LYPD8: variants seen among roughly 807,000 people sequenced by gnomAD.
LYPD8 encodes LY6/PLAUR domain containing 8.
Under a neutral mutation model 1.7 loss-of-function variants are expected in LYPD8, and 8 were observed. That is an observed-to-expected ratio of 4.58 (90% confidence interval 2.69 to 8.27). LYPD8 has a LOEUF of 8.27. LYPD8 is among the 30% of genes most tolerant of loss of function. The pLI is 0.00. For synonymous variants in LYPD8, 50 were observed against 43.6 expected (o/e 1.15, Z -0.58); for missense variants, 112 against 102.3 (o/e 1.09, Z -0.41).
intron 2 of LYPD8, among the ~76,000 whole-genome samples, chr1:248,752,837 C>CA: frequency 8.8e-6 from 1 of 113,822 alleles, no homozygotes; most frequent in Non-Finnish European, 1.7e-5. Flanking sequence ...ACACACCACA[C>CA]CCCACACACA....
intron 2 of LYPD8, among the ~76,000 whole-genome samples, chr1:248,753,373 A>G (rs1261346467): frequency 8.9e-6 from 1 of 111,876 alleles, no homozygotes; most frequent in South Asian, 3.1e-4. Flanking sequence ...TCACATACAC[A>G]CCACACACCA....
chr1:248,752,867 A>C (rs1662836938), intron 2 of LYPD8, among the ~76,000 whole-genome samples: 6 of 112,676 alleles, frequency 5.3e-5, no homozygotes, highest in East Asian at 3.0e-4. Flanking sequence ...CCACACACAC[A>C]CCACACACCC....
chr1:248,755,314 CT>C lies in LYPD8; in HGVS notation c.-126del. On this transcript the variant is annotated 5_prime_UTR_variant, in exon 2 of 7. An upstream open reading frame in the 5' UTR loses its in-frame stop. Transcript: ENST00000590317. ...CACTGGCAAAGTTTTATTGCGGAAT[CT>C]TTTCGACAGCCTGGCAGGGTCCTGC... 6.6e-6 allele frequency: 1 copy of C among 152,218 alleles called. No individual in the cohort carries two copies. Among genetic ancestry groups the C allele is most frequent in the East Asian group, 1.9e-4 (1 of 5,192 alleles). 9.4% of individuals were successfully genotyped at this position (152,218 alleles called of 1,614,324 possible). A position where few individuals can be genotyped will look rare whatever the true frequency, so the allele number is the denominator to read the frequency against.
At chr1:248,748,851 T>C (rs1373049650) in intron 4 of LYPD8, among the ~76,000 whole-genome samples, 3 of 152,234 alleles carry the variant, frequency 2.0e-5, no homozygotes, top group Admixed American at 1.3e-4. Flanking sequence ...CAGTCAAGCT[T>C]CTAGCCAGAG....
chr1:248,749,313 A>G (rs1382375650), intron 4 of LYPD8, among the ~76,000 whole-genome samples: 5 of 152,352 alleles, frequency 3.3e-5, no homozygotes, highest in Admixed American at 2.0e-4. Context: ...CATCTTTGAA[A>G]CAATTAAGAA....
At chr1:248,741,119 GCAA>G (rs150945127) in intron 6 of LYPD8, among the ~76,000 whole-genome samples, 11,260 of 152,174 alleles carry the variant, frequency 0.074, 1,377 homozygotes, top group African/African-American at 0.26. Flanking sequence ...GTCTTGAACA[GCAA>G]CAACAACAAA....
chr1:248,753,757 ACACAC>A (rs1479489547), intron 2 of LYPD8, among the ~76,000 whole-genome samples: 4 of 148,248 alleles, frequency 2.7e-5, no homozygotes, highest in African/African-American at 1.0e-4. Flanking sequence ...CACAACACAT[ACACAC>A]CACATCACAC....
In LYPD8 at chr1:248,745,162, A is replaced by G. The variant is rs1662708671; in HGVS notation, c.455T>C (p.Leu152Pro). 5.0e-6 allele frequency: 2 copies of G among 398,470 alleles called. No individual in the cohort carries two copies. The highest frequency in any genetic ancestry group is 8.8e-6 in the Non-Finnish European group (2 of 226,072). The allele number at this position is 398,470 out of a possible 1,614,324, so 24.7% of individuals were successfully genotyped here. The part of the protein sequence containing the change: ...KCYEEEQCVF[L>P]VAELKNDIES... The stretch of plus-strand genomic sequence containing the variant: ...CTTACCATTCTTAAGTTCTGCAACT[A>G]GAAAGACACACTGTTCTTCTTCATA... The change falls in exon 6 of 7, where the codon CTA (leucine) becomes CCA (proline). Residue 152 changes from leucine to proline, a missense_variant. Transcript: ENST00000590317.
At position 248,739,850 on chromosome 1, in the gene LYPD8, C is replaced by T. The variant is rs1558204858; in HGVS notation, c.476-1G>A. The T allele has an allele frequency of 6.4e-7, 1 of 1,551,740 alleles. No homozygotes were observed. The highest frequency in any genetic ancestry group is 8.7e-7 in the Non-Finnish European group (1 of 1,147,004). On this transcript the variant is annotated splice_acceptor_variant, in intron 6 of 6. Transcript: ENST00000590317. LOFTEE classifies it high-confidence loss of function. The surrounding 1 kb of genome is among the most constrained non-coding windows in gnomAD (Gnocchi z 4.3). ...AGCACGAGACTCTTAGACTCAATGTCTGTGAATGCAAAGGAGACAGGAGGG... is the reference window on the plus strand; with the variant it reads ...AGCACGAGACTCTTAGACTCAATGTTTGTGAATGCAAAGGAGACAGGAGGG...
chr1:248,753,563 CACA>C (rs1200991244), intron 2 of LYPD8, among the ~76,000 whole-genome samples: 1 of 124,380 alleles, frequency 8.0e-6, no homozygotes, highest in Non-Finnish European at 1.7e-5. Flanking sequence ...ACATCACACA[CACA>C]ACACACACCC....
At chr1:248,748,674 A>G (rs1662751232) in intron 4 of LYPD8, among the ~76,000 whole-genome samples, 1 of 152,236 alleles carries the variant, frequency 6.6e-6, no homozygotes, top group Non-Finnish European at 1.5e-5. Flanking sequence ...GTGCAGGTTA[A>G]ACTCCAGGCA....
In LYPD8 at chr1:248,745,216, G is replaced by A. The variant is rs2103169205; in HGVS notation, c.401C>T (p.Thr134Ile). ...TTTCCAGGGCTTCCCATGACAGGAA[G>A]TTCCATTAGATTCATAACAAGCAGG... ...ECPACYESNG[T>I]SCHGKPWKCY... Residue 134 changes from threonine to isoleucine, a missense_variant, in exon 6 of 7, where the codon ACT becomes ATT. Thr to Ile is a moderately conservative substitution (Grantham distance 89). Coordinates refer to ENST00000590317, the MANE Select transcript of LYPD8 (RefSeq NM_001085474.2). 6 of 398,588 alleles carry A rather than the reference G, an allele frequency of 1.5e-5. No individual in the cohort carries two copies. The East Asian group carries it at 2.1e-4, about 14-fold the overall frequency. 24.7% of individuals were successfully genotyped at this position (398,588 alleles called of 1,614,324 possible). A position where few individuals can be genotyped will look rare whatever the true frequency, so the allele number is the denominator to read the frequency against.
At chr1:248,743,285 C>T (rs1046694606) in intron 6 of LYPD8, among the ~76,000 whole-genome samples, 16 of 152,094 alleles carry the variant, frequency 1.1e-4, no homozygotes, top group African/African-American at 3.9e-4. Flanking sequence ...GCCAACATGG[C>T]GAAACCCCAT....
chr1:248,752,372 G>A (rs1253276888), intron 2 of LYPD8, among the ~76,000 whole-genome samples: 1 of 151,906 alleles, frequency 6.6e-6, no homozygotes, highest in Admixed American at 6.6e-5. Flanking sequence ...CAAAGCCAGT[G>A]CTCTATTCCA....
intron 6 of LYPD8, among the ~76,000 whole-genome samples, chr1:248,742,114 A>C (rs1662611100): frequency 6.6e-6 from 1 of 152,258 alleles, no homozygotes. Context: ...ACTTTGGGTG[A>C]GGCTGTATCA....
intron 2 of LYPD8, among the ~76,000 whole-genome samples, chr1:248,752,933 C>G (rs1322868108): frequency 7.6e-6 from 1 of 131,588 alleles, no homozygotes; most frequent in African/African-American, 3.0e-5. Flanking sequence ...CCACATCACA[C>G]ACACACCACA....
intron 6 of LYPD8, among the ~76,000 whole-genome samples, chr1:248,744,750 C>T (rs1055351221): frequency 6.6e-6 from 1 of 152,238 alleles, no homozygotes; most frequent in African/African-American, 2.4e-5. Flanking sequence ...CAAAAGCCAA[C>T]ACCTCTTAGT....
intron 2 of LYPD8, among the ~76,000 whole-genome samples, chr1:248,754,409 A>G (rs1662891360): frequency 6.6e-6 from 1 of 150,402 alleles, no homozygotes; most frequent in African/African-American, 2.5e-5. Flanking sequence ...ACACACATCA[A>G]ACACACACAC....
chr1:248,752,658 A>C (rs1175857241), intron 2 of LYPD8, among the ~76,000 whole-genome samples: 7,094 of 73,508 alleles, frequency 0.097, 536 homozygotes, highest in East Asian at 0.3. Flanking sequence ...CACAACACAC[A>C]CCACACACAC....
Sources: gnomAD v4.1 joint callset for allele counts (sites outside exome capture counted in the v4.1 genomes callset) on GRCh38, gnomAD v4.1.1 for gene constraint, Gnocchi (gnomAD v3.1) non-coding constraint, MANE v1.5 for transcripts, NCBI Gene and HGNC (gene_info 2026-07-23, HGNC 2026-07-21) for gene names.